DDX4: variants seen among roughly 807,000 people sequenced by gnomAD.
DDX4 encodes the protein probable ATP-dependent RNA helicase DDX4.
In DDX4, 25 loss-of-function variants were observed where a neutral mutation model predicts 100.0. The observed-to-expected ratio is 0.25, with a 90% CI of 0.18 to 0.35. The LOEUF is 0.35. Among genes scored for constraint, DDX4 ranks in the 10% least tolerant of loss-of-function variants. DDX4 has a pLI of 1.00. For missense variants in DDX4, 635 were observed against 882.4 expected, an observed-to-expected ratio of 0.72 and a Z score of 3.55; for synonymous variants, 259 against 275.7, an observed-to-expected ratio of 0.94 and a Z score of 0.60.
intron 14 of DDX4, 46 bp from the exon 15 acceptor site, chr5:55,787,800 A>G (rs1052782147): frequency 1.9e-6 from 3 of 1,590,478 alleles, no homozygotes; most frequent in South Asian, 2.3e-5. Flanking sequence ...CATAGGGATA[A>G]AAGTGTTGTG....
chr5:55,803,316 T>TA (rs1481688604), intron 18 of DDX4, among the ~76,000 whole-genome samples: 2 of 151,358 alleles, frequency 1.3e-5, no homozygotes, highest in Non-Finnish European at 2.9e-5. Context: ...CCATGGTGTA[T>TA]ATGTGCCACA....
chr5:55,741,226 C>T (rs1758965229), intron 2 of DDX4, among the ~76,000 whole-genome samples: 1 of 152,148 alleles, frequency 6.6e-6, no homozygotes, highest in South Asian at 2.1e-4. Flanking sequence ...GGATGACTGT[C>T]AAATCTTTCA....
chr5:55,739,949 C>T (rs1758887203), intron 2 of DDX4, among the ~76,000 whole-genome samples: 1 of 151,812 alleles, frequency 6.6e-6, no homozygotes, highest in Non-Finnish European at 1.5e-5. Flanking sequence ...CTATATTGCC[C>T]AGACTGGTTT....
At chr5:55,799,378 T>G (rs1232040529) in intron 18 of DDX4, among the ~76,000 whole-genome samples, 1 of 152,158 alleles carries the variant, frequency 6.6e-6, no homozygotes, top group Non-Finnish European at 1.5e-5. Flanking sequence ...TTACTTTTTA[T>G]TATTTTTAAT....
intron 3 of DDX4, among the ~76,000 whole-genome samples, chr5:55,749,194 G>A (rs925580311): frequency 6.6e-6 from 1 of 152,190 alleles, no homozygotes; most frequent in Non-Finnish European, 1.5e-5. Flanking sequence ...GCTGAGGTGG[G>A]AGAATTGCCT....
chr5:55,741,267 C>T (rs1209036834), intron 2 of DDX4, among the ~76,000 whole-genome samples: 4 of 152,128 alleles, frequency 2.6e-5, no homozygotes, highest in Non-Finnish European at 4.4e-5. Context: ...TTATGCTATT[C>T]AATAACATAG....
At chr5:55,770,557 A>G (rs1288028623) in intron 7 of DDX4, among the ~76,000 whole-genome samples, 1 of 152,216 alleles carries the variant, frequency 6.6e-6, no homozygotes, top group Non-Finnish European at 1.5e-5. Flanking sequence ...GTGCAAATCT[A>G]TGATAAGAGG....
intron 18 of DDX4, among the ~76,000 whole-genome samples, chr5:55,812,353 A>C (rs1410930484): frequency 6.6e-6 from 1 of 152,128 alleles, no homozygotes; most frequent in Non-Finnish European, 1.5e-5. Flanking sequence ...CGAGGTTAGG[A>C]GATTGAGACC....
chr5:55,783,647 A>T (rs1479182709), intron 10 of DDX4, among the ~76,000 whole-genome samples: 1 of 147,360 alleles, frequency 6.8e-6, no homozygotes, highest in African/African-American at 2.5e-5. Flanking sequence ...GGATGGATGG[A>T]TGGATGGATG....
At chr5:55,798,323 G>T in intron 17 of DDX4, 103 bp from the exon 18 acceptor site, 1 of 1,182,964 alleles carries the variant, frequency 8.5e-7, no homozygotes, top group Non-Finnish European at 1.2e-6. Flanking sequence ...GTTATAATCT[G>T]CTGTCTGATT....
At chr5:55,815,579 A>G (rs1369302713) in intron 21 of DDX4, among the ~76,000 whole-genome samples, 156 bp downstream of exon 21, 2 of 152,136 alleles carry the variant, frequency 1.3e-5, no homozygotes, top group Non-Finnish European at 1.5e-5. Context: ...TTTTATGTAT[A>G]TACATATTTT....
chr5:55,776,307 T>C (rs926291954), intron 7 of DDX4, among the ~76,000 whole-genome samples: 1 of 152,118 alleles, frequency 6.6e-6, no homozygotes, highest in Non-Finnish European at 1.5e-5. Context: ...GTATGGAAGA[T>C]AGACTAAGAC....
intron 2 of DDX4, among the ~76,000 whole-genome samples, chr5:55,743,186 G>T (rs1759076827): frequency 6.6e-6 from 1 of 152,172 alleles, no homozygotes; most frequent in African/African-American, 2.4e-5. Flanking sequence ...CCCTCTGGAG[G>T]TTCTGGGACA....
chr5:55,796,778 C>T (rs1742967708), intron 17 of DDX4, among the ~76,000 whole-genome samples: 1 of 146,716 alleles, frequency 6.8e-6, no homozygotes, highest in African/African-American at 2.5e-5. Context: ...TTCCCTAGAT[C>T]AAGCTTCAAA....
intron 2 of DDX4, chr5:55,742,274 C>T (rs1200153362): frequency 1.5e-5 from 7 of 454,556 alleles, no homozygotes; most frequent in Non-Finnish European, 2.2e-5. Flanking sequence ...TAGATAATTC[C>T]GTTGCTTACT....
chr5:55,755,151 A>T (rs4865626), intron 3 of DDX4, among the ~76,000 whole-genome samples: 17,503 of 152,052 alleles, frequency 0.12, 1,528 homozygotes, highest in East Asian at 0.29. Flanking sequence ...CATTTCTTAA[A>T]CGATTTTGTT....
At chr5:55,757,984 G>A (rs911919093) in intron 3 of DDX4, among the ~76,000 whole-genome samples, 4 of 152,168 alleles carry the variant, frequency 2.6e-5, no homozygotes, top group African/African-American at 4.8e-5. Context: ...GTCAGAGGTC[G>A]CAGTGAGCGG....
chr5:55,771,524 G>A (rs1027831482), intron 7 of DDX4, among the ~76,000 whole-genome samples: 3 of 151,948 alleles, frequency 2.0e-5, no homozygotes, highest in African/African-American at 7.3e-5. Context: ...TCCAGTTTGG[G>A]GCCATTGTGA....
chr5:55,740,720 A>G (rs748488523), intron 2 of DDX4, among the ~76,000 whole-genome samples: 2 of 136,142 alleles, frequency 1.5e-5, no homozygotes, highest in Non-Finnish European at 3.1e-5. Flanking sequence ...GGGTTTCACT[A>G]TGTTGGCCAG....
Sources: allele counts gnomAD v4.1 joint callset (sites outside exome capture counted in the v4.1 genomes callset), GRCh38; gene constraint gnomAD v4.1.1; transcripts MANE v1.5; gene names NCBI Gene and HGNC (gene_info 2026-07-23, HGNC 2026-07-21).